The following PLCL2 variants were observed in gnomAD, a reference collection of about 807,000 sequenced individuals.
PLCL2 encodes phospholipase C like 2, also known as inactive phospholipase C-like protein 2.
In PLCL2, 4 loss-of-function variants were observed where a neutral mutation model predicts 79.6. The observed-to-expected ratio is 0.05, with a 90% confidence interval of 0.02 to 0.11. The LOEUF (loss-of-function observed/expected upper bound fraction) is 0.11. Among genes scored for constraint, PLCL2 ranks in the 10% least tolerant of loss-of-function variants. PLCL2 has a pLI of 1.00. For synonymous variants in PLCL2, 484 were observed against 457.7 expected (o/e 1.06, Z -0.73); for missense variants, 895 against 1,291.0 (o/e 0.69, Z 4.70).
At chr3:17,087,697 T>C (rs2065234665) in intron 5 of PLCL2, among the ~76,000 whole-genome samples, 1 of 152,220 alleles carries the variant, frequency 6.6e-6, no homozygotes, top group African/African-American at 2.4e-5. Context: ...GTAACAAGTA[T>C]ACCACTGTGG....
chr3:17,005,370 T>TC (rs34954458), intron 1 of PLCL2, among the ~76,000 whole-genome samples: 55,325 of 151,666 alleles, frequency 0.36, 10,550 homozygotes, highest in East Asian at 0.54. Context: ...CTATTCCTTA[T>TC]CCCGTTTCAG....
chr3:17,024,763 T>C lies in PLCL2; in HGVS notation c.3018+9852T>C, dbSNP rs536438501. Among the ~76,000 whole-genome samples, 106 of 145,966 alleles carry C rather than the reference T, an allele frequency of 7.3e-4. 1 individual carries two copies. Among genetic ancestry groups the C allele is most frequent in the South Asian group, 1.6e-3 (7 of 4,422 alleles). On this transcript the variant is annotated intron_variant, in intron 3 of 5. Transcript: ENST00000615277. ...TAGCTCATTAATGCATTCAGCCTCC[T>C]TCTCCCTTTGAGCTGGGAGCCTCCT...
intron 2 of PLCL2, among the ~76,000 whole-genome samples, 169 bp from the exon 3 acceptor site, chr3:17,014,539 G>A (rs7611127): frequency 0.59 from 89,400 of 152,050 alleles, 26,829 homozygotes; most frequent in African/African-American, 0.71. Context: ...TACTTTGGAT[G>A]ACAGCCATTT....
chr3:17,090,334 G>C lies in PLCL2; in HGVS notation c.*422G>C. On this transcript the variant is annotated 3_prime_UTR_variant, in exon 6 of 6. Transcript: ENST00000615277. ...TATATGGGGTTGCCAGAGTCTCTGGGTTCTAGATGATTTTGGTGGCATGCT... is the reference window on the plus strand; with the variant it reads ...TATATGGGGTTGCCAGAGTCTCTGGCTTCTAGATGATTTTGGTGGCATGCT... 1 of 840,012 alleles carries C rather than the reference G, an allele frequency of 1.2e-6. No homozygotes were observed. The highest frequency in any genetic ancestry group is 1.4e-6 in the Non-Finnish European group (1 of 697,246). 52.0% of individuals were successfully genotyped at this position (840,012 alleles called of 1,614,324 possible). A position where few individuals can be genotyped will look rare whatever the true frequency, so the allele number is the denominator to read the frequency against.
chr3:17,004,279 GCC>G (rs2064238922), intron 1 of PLCL2, among the ~76,000 whole-genome samples: 1 of 151,990 alleles, frequency 6.6e-6, no homozygotes, highest in Non-Finnish European at 1.5e-5. Context: ...AACTTTACTT[GCC>G]CCCACTTCAT....
At chr3:16,923,914 A>G (rs1322656811) in intron 1 of PLCL2, among the ~76,000 whole-genome samples, 1 of 151,682 alleles carries the variant, frequency 6.6e-6, no homozygotes, top group Non-Finnish European at 1.5e-5. Context: ...CTTTTAAGTT[A>G]TTATACTTCT....
intron 1 of PLCL2, among the ~76,000 whole-genome samples, chr3:16,968,611 C>T (rs925186029): frequency 2.0e-5 from 3 of 152,058 alleles, no homozygotes; most frequent in South Asian, 4.1e-4. Flanking sequence ...TATTTTTGTA[C>T]GTTGATTTTG....
chr3:16,891,490 G>A (rs73146904), intron 1 of PLCL2, among the ~76,000 whole-genome samples: 14,392 of 152,158 alleles, frequency 0.095, 805 homozygotes, highest in Admixed American at 0.16. Flanking sequence ...AATTTCTCAG[G>A]CATGTTCCAT....
intron 4 of PLCL2, among the ~76,000 whole-genome samples, chr3:17,050,229 C>A (rs568533189): frequency 1.3e-5 from 2 of 152,084 alleles, no homozygotes; most frequent in East Asian, 3.8e-4. Context: ...TGCAAGAAAA[C>A]ATTGGGGAAA....
rs750522155 is a variant in PLCL2, at chr3:17,010,094, A to C, written c.748A>C (p.Ile250Leu). 1 of 1,614,046 alleles carries C rather than the reference A, an allele frequency of 6.2e-7. No homozygotes were observed. Among genetic ancestry groups the C allele is most frequent in the South Asian group, 1.1e-5 (1 of 91,078 alleles). Residue 250 changes from isoleucine (I) to leucine (L), a missense_variant, in exon 2 of 6, where the codon ATT becomes CTT. This residue lies in a region of PLCL2 where 129 missense variants were observed against 208.8 expected (regional missense o/e 0.62). Transcript: ENST00000615277. The surrounding 1 kb of genome is among the most constrained non-coding windows in gnomAD (Gnocchi z 5.8). ...CTGGGTTACAGGACTGCGGTACCTA[A>C]TTTCTTATGGAAAACATACACTTGA... The part of the protein sequence containing the change: ...NIWVTGLRYL[I>L]SYGKHTLDML...
chr3:16,969,773 T>G (rs1466990806), intron 1 of PLCL2, among the ~76,000 whole-genome samples: 1 of 152,018 alleles, frequency 6.6e-6, no homozygotes, highest in Non-Finnish European at 1.5e-5. Context: ...TCTTTTCTTC[T>G]GCTAGCTTTG....
At position 16,921,836 on chromosome 3, in the gene PLCL2, T is replaced by G. The variant is rs533116514; in HGVS notation, c.327+36470T>G. ...TGATTGTGAAGGGTCCAGATTGAAC[T>G]GTTCTTTAAGTAAGGACACAGGAAA... On this transcript the variant is annotated intron_variant, in intron 1 of 5. Transcript: ENST00000615277. Among the ~76,000 whole-genome samples, 19 of 152,306 alleles carry G rather than the reference T, an allele frequency of 1.2e-4. No individual in the cohort carries two copies. In the South Asian group the frequency reaches 1.9e-3, roughly 15 times the overall value.
At chr3:17,056,536 A>G (rs2124933280) in intron 4 of PLCL2, among the ~76,000 whole-genome samples, 1 of 152,312 alleles carries the variant, frequency 6.6e-6, no homozygotes, top group South Asian at 2.1e-4. Context: ...ATTTGGAGAT[A>G]AACTTTCTTA....
intron 3 of PLCL2, chr3:17,035,915 GC>G: frequency 2.9e-6 from 1 of 339,120 alleles, no homozygotes; most frequent in South Asian, 2.6e-5. Flanking sequence ...GTTGAGTAGT[GC>G]TTTTTATCAA....
At chr3:16,949,859 T>C (rs1481663404) in intron 1 of PLCL2, among the ~76,000 whole-genome samples, 1 of 152,222 alleles carries the variant, frequency 6.6e-6, no homozygotes, top group African/African-American at 2.4e-5. Context: ...TTGTATTTTT[T>C]GCAAATGGAC....
chr3:16,972,182 C>T (rs1243569860), intron 1 of PLCL2, among the ~76,000 whole-genome samples: 1 of 152,002 alleles, frequency 6.6e-6, no homozygotes, highest in Non-Finnish European at 1.5e-5. Context: ...CTGGCCAGGG[C>T]AATTAGGCAG....
At chr3:16,907,684 T>C (rs959278952) in intron 1 of PLCL2, among the ~76,000 whole-genome samples, 1 of 152,184 alleles carries the variant, frequency 6.6e-6, no homozygotes, top group African/African-American at 2.4e-5. Flanking sequence ...ATTAGTTTCA[T>C]TGGGTTTTTG....
chr3:16,960,853 C>T (rs896837409), intron 1 of PLCL2, among the ~76,000 whole-genome samples: 1 of 152,230 alleles, frequency 6.6e-6, no homozygotes, highest in Non-Finnish European at 1.5e-5. Context: ...ATACCCTTCT[C>T]TGTCTCCTCT....
At chr3:17,085,557 T>C (rs1171595402) in intron 5 of PLCL2, among the ~76,000 whole-genome samples, 1 of 151,970 alleles carries the variant, frequency 6.6e-6, no homozygotes, top group Non-Finnish European at 1.5e-5. Flanking sequence ...TTCACGCCAT[T>C]CTCTGCCTCA....
Sources: gnomAD v4.1 joint callset for allele counts (sites outside exome capture counted in the v4.1 genomes callset) on GRCh38, gnomAD v4.1.1 for gene constraint, gnomAD v4.1.1 regional missense constraint, Gnocchi (gnomAD v3.1) non-coding constraint, MANE v1.5 for transcripts, NCBI Gene and HGNC (gene_info 2026-07-23, HGNC 2026-07-21) for gene names.